The following SDCCAG8 variants were observed in gnomAD, a reference collection of about 807,000 sequenced individuals.
SDCCAG8 encodes serologically defined colon cancer antigen 8.
Under a neutral mutation model 101.8 loss-of-function variants are expected in SDCCAG8, and 74 were observed. The ratio of observed to expected loss-of-function variants is 0.73; its 90% CI spans 0.60 to 0.88. The LOEUF is 0.88. Among genes scored for constraint, SDCCAG8 ranks in the 40% least tolerant of loss-of-function variants. The probability of loss-of-function intolerance (pLI) is 0.00; values close to 1 mark genes in which losing one functional copy is unlikely to be tolerated. For synonymous variants in SDCCAG8, 281 were observed against 292.9 expected (o/e 0.96, Z 0.41); for missense variants, 787 against 822.6 (o/e 0.96, Z 0.53).
chr1:243,471,181 C>T (rs984750853), intron 16 of SDCCAG8, among the ~76,000 whole-genome samples: 1 of 151,986 alleles, frequency 6.6e-6, no homozygotes, highest in Non-Finnish European at 1.5e-5. Context: ...TTAGCAGAGT[C>T]GGGATGGGAA....
intron 13 of SDCCAG8, among the ~76,000 whole-genome samples, chr1:243,401,148 A>T (rs2079371363): frequency 1.3e-5 from 2 of 152,226 alleles, no homozygotes; most frequent in African/African-American, 4.8e-5. Context: ...TGTGATTCTC[A>T]TGAAGACTTA....
At chr1:243,486,492 T>G (rs1357292478) in intron 16 of SDCCAG8, among the ~76,000 whole-genome samples, 1 of 152,162 alleles carries the variant, frequency 6.6e-6, no homozygotes, top group Non-Finnish European at 1.5e-5. Flanking sequence ...GTAATCGCTA[T>G]AGCCTTCCCA....
At chr1:243,307,902 T>C (rs1309803447) in intron 7 of SDCCAG8, 87 bp from the exon 8 acceptor site, 5 of 1,595,400 alleles carry the variant, frequency 3.1e-6, no homozygotes, top group East Asian at 2.2e-5. Flanking sequence ...CCATAAACGA[T>C]AGTAGTAGTT....
rs373511080 is a variant in SDCCAG8 at position 243,277,474 on chromosome 1, C to T, written c.420+2818C>T. The stretch of plus-strand genomic sequence containing the variant: ...TGAGGTGTCTGTTCAGGTCGTTCAC[C>T]CATTTTTAAAATCAGGTTATTCGTT... On this transcript the variant is annotated intron_variant, in intron 4 of 17. Coordinates refer to ENST00000366541, the MANE Select transcript of SDCCAG8 (RefSeq NM_006642.5). 3.3e-4 allele frequency among the ~76,000 whole-genome samples: 50 copies of T among 152,268 alleles called. No homozygotes were observed. In the South Asian group the frequency reaches 0.01, roughly 31 times the overall value.
chr1:243,408,313 T>C (rs1278373004), intron 13 of SDCCAG8, among the ~76,000 whole-genome samples: 1 of 152,194 alleles, frequency 6.6e-6, no homozygotes, highest in African/African-American at 2.4e-5. Context: ...GGATTTAGAT[T>C]CCAGATTGAT....
Position 243,264,834 on chromosome 1 carries a change from T to C in SDCCAG8, c.68-5271T>C, listed in dbSNP as rs1385326827. Among the ~76,000 whole-genome samples the C allele has an allele frequency of 2.6e-5, 4 of 152,296 alleles. No individual in the cohort carries two copies. The East Asian group carries it at 5.8e-4, about 22-fold the overall frequency. On this transcript the variant is annotated intron_variant, in intron 1 of 17. Transcript: ENST00000366541. ...AAGTTTATAGTCAGTTCCTGGTTGG[T>C]GCTGGGGAAAAGAAATCAGGATGCA...
At chr1:243,279,394 G>T (rs765218691) in intron 4 of SDCCAG8, among the ~76,000 whole-genome samples, 3 of 152,200 alleles carry the variant, frequency 2.0e-5, no homozygotes, top group Non-Finnish European at 4.4e-5. Context: ...GTTTACCTCT[G>T]TGATTGCATG....
At chr1:243,465,515 T>C (rs980468036) in intron 16 of SDCCAG8, among the ~76,000 whole-genome samples, 5 of 152,266 alleles carry the variant, frequency 3.3e-5, no homozygotes, top group Admixed American at 3.3e-4. Flanking sequence ...TGAAACTTAG[T>C]ACTCATTCAG....
Position 243,325,160 on chromosome 1 carries a change from G to A in SDCCAG8, c.1069-5380G>A, listed in dbSNP as rs77279303. ...TTGTATTTCACACATGACCATTTAC[G>A]TCTTAATTAACAATAAATGTTTGTT... On this transcript the variant is annotated intron_variant, in intron 9 of 17. Transcript: ENST00000366541. Among the ~76,000 whole-genome samples, 1,044 of 152,166 alleles carry A rather than the reference G, an allele frequency of 6.9e-3. 13 individuals are homozygous for A. Among genetic ancestry groups the A allele is most frequent in the African/African-American group, 0.024 (1,005 of 41,512 alleles).
chr1:243,294,221 C>T (rs916134764), intron 6 of SDCCAG8, among the ~76,000 whole-genome samples: 1 of 152,052 alleles, frequency 6.6e-6, no homozygotes, highest in Non-Finnish European at 1.5e-5. Context: ...TTGAGCATTT[C>T]CCTATTGTAA....
At chr1:243,313,766 G>A (rs1182150268) in intron 8 of SDCCAG8, among the ~76,000 whole-genome samples, 1 of 152,188 alleles carries the variant, frequency 6.6e-6, no homozygotes, top group African/African-American at 2.4e-5. Context: ...CCTCATTCAG[G>A]TGTGGCTCTG....
chr1:243,377,419 A>G (rs2077661767), intron 12 of SDCCAG8, among the ~76,000 whole-genome samples: 1 of 152,056 alleles, frequency 6.6e-6, no homozygotes, highest in Non-Finnish European at 1.5e-5. Flanking sequence ...GAAATAAGTC[A>G]GTTTAACTTA....
intron 16 of SDCCAG8, among the ~76,000 whole-genome samples, chr1:243,459,789 G>T (rs1200280209): frequency 6.6e-6 from 1 of 152,010 alleles, no homozygotes; most frequent in South Asian, 2.1e-4. Flanking sequence ...ATTTTTTCTG[G>T]TGATGAGGTC....
intron 17 of SDCCAG8, among the ~76,000 whole-genome samples, chr1:243,490,920 A>C (rs1380833766): frequency 6.6e-6 from 1 of 152,246 alleles, no homozygotes; most frequent in Admixed American, 6.5e-5. Context: ...GGCCAGCCAA[A>C]GATCAGGACC....
chr1:243,407,376 C>T (rs1275395273), intron 13 of SDCCAG8, among the ~76,000 whole-genome samples: 1 of 152,208 alleles, frequency 6.6e-6, no homozygotes, highest in Admixed American at 6.5e-5. Context: ...TGTTCCATCT[C>T]TCTGCCCCAC....
intron 16 of SDCCAG8, among the ~76,000 whole-genome samples, chr1:243,452,174 C>G (rs1022412341): frequency 1.3e-5 from 2 of 152,264 alleles, no homozygotes; most frequent in African/African-American, 4.8e-5. Flanking sequence ...TAGTAGTGCT[C>G]TCTGGGATTA....
chr1:243,296,896 G>A (rs2070982339), intron 6 of SDCCAG8, among the ~76,000 whole-genome samples: 1 of 152,066 alleles, frequency 6.6e-6, no homozygotes, highest in Non-Finnish European at 1.5e-5. Context: ...TCTAAACCTA[G>A]TAGCAGCTTT....
Position 243,312,356 on chromosome 1 carries a change from A to T in SDCCAG8, c.929+4179A>T, listed in dbSNP as rs1022304127. Among the ~76,000 whole-genome samples the T allele has an allele frequency of 2.0e-5, 3 of 152,222 alleles. No homozygotes were observed. The East Asian group carries it at 5.8e-4, about 29-fold the overall frequency. ...ATGTGGTATTGTGACAGCAGCTTTC[A>T]GCTCCTTTGTTGCATCCTTTAGCAT... On this transcript the variant is annotated intron_variant, in intron 8 of 17. Coordinates refer to ENST00000366541, the MANE Select transcript of SDCCAG8 (RefSeq NM_006642.5).
intron 5 of SDCCAG8, 36 bp downstream of exon 5, chr1:243,286,433 T>C (rs1359436817): frequency 5.0e-6 from 8 of 1,609,950 alleles, no homozygotes; most frequent in East Asian, 2.2e-5. Context: ...TTTATTTTAG[T>C]GTGAATATTC....
Sources: gnomAD v4.1 joint callset for allele counts (sites outside exome capture counted in the v4.1 genomes callset) on GRCh38, gnomAD v4.1.1 for gene constraint, MANE v1.5 for transcripts, NCBI Gene and HGNC (gene_info 2026-07-23, HGNC 2026-07-21) for gene names.